FKBP9: variants seen among roughly 807,000 people sequenced by gnomAD.
The protein encoded by FKBP9 is peptidyl-prolyl cis-trans isomerase FKBP9.
In FKBP9, 27 loss-of-function variants were observed where a neutral mutation model predicts 55.6. That is an observed-to-expected ratio of 0.49 (90% confidence interval 0.36 to 0.67). FKBP9 has a LOEUF of 0.67. FKBP9 is among the 30% of genes least tolerant of loss of function. The probability of loss-of-function intolerance (pLI) is 0.00; values close to 1 mark genes in which losing one functional copy is unlikely to be tolerated. For missense variants in FKBP9, 539 were observed against 742.8 expected, an observed-to-expected ratio of 0.73 and a Z score of 3.19; for synonymous variants, 267 against 296.5, an observed-to-expected ratio of 0.90 and a Z score of 1.02.
intron 1 of FKBP9, among the ~76,000 whole-genome samples, chr7:32,971,398 G>A (rs12535899): frequency 0.95 from 144,545 of 152,304 alleles, 68,684 homozygotes; most frequent in African/African-American, 0.99. Flanking sequence ...GTGCTTAGGC[G>A]ACATCAAATG....
intron 1 of FKBP9, among the ~76,000 whole-genome samples, chr7:32,970,963 A>G (rs1194561037): frequency 2.7e-5 from 4 of 149,804 alleles, no homozygotes; most frequent in African/African-American, 2.5e-5. Flanking sequence ...CTTGTTCCCA[A>G]TCACAGGGGA....
intron 5 of FKBP9, among the ~76,000 whole-genome samples, chr7:32,981,046 T>C (rs2860555): frequency 0.95 from 136,472 of 143,866 alleles, 64,833 homozygotes; most frequent in African/African-American, 0.99. Context: ...CTGTGCTTAG[T>C]TATCCAGTTA....
Position 33,006,100 on chromosome 7 carries a change from T to C in FKBP9, c.*749T>C, listed in dbSNP as rs1785035159. 1 of 208,362 alleles carries C rather than the reference T, an allele frequency of 4.8e-6. No individual in the cohort carries two copies. Among genetic ancestry groups the C allele is most frequent in the Admixed American group, 6.0e-5 (1 of 16,662 alleles). 12.9% of individuals were successfully genotyped at this position (208,362 alleles called of 1,614,324 possible). On this transcript the variant is annotated 3_prime_UTR_variant, in exon 10 of 10. Transcript: ENST00000242209. ...CTTAGCTTTTCCTTTCCTTTTTTTT[T>C]TTTTTTTTTTTTCTGGAGGCAGAGT...
At chr7:32,978,765 T>C (rs1583853346) in intron 4 of FKBP9, among the ~76,000 whole-genome samples, 1 of 152,320 alleles carries the variant, frequency 6.6e-6, no homozygotes, top group South Asian at 2.1e-4. Context: ...CAAAACCAGA[T>C]GTGAGCCTAA....
chr7:32,967,858 G>T (rs1356717170), intron 1 of FKBP9, among the ~76,000 whole-genome samples: 1 of 152,008 alleles, frequency 6.6e-6, no homozygotes, highest in Non-Finnish European at 1.5e-5. Context: ...AGGTTCAAGT[G>T]ATTCTCCTGC....
At chr7:32,988,372 G>T (rs6462442) in intron 5 of FKBP9, 135 bp from the exon 6 acceptor site, 5 of 807,412 alleles carry the variant, frequency 6.2e-6, no homozygotes, top group African/African-American at 1.7e-5. Flanking sequence ...TGGCTGTGTC[G>T]TCAGATACTG....
chr7:33,004,041 G>A (rs1048603178), intron 9 of FKBP9, among the ~76,000 whole-genome samples: 1 of 151,966 alleles, frequency 6.6e-6, no homozygotes, highest in Non-Finnish European at 1.5e-5. Flanking sequence ...GGCATCACTG[G>A]CCTCCAGTGG....
chr7:32,980,774 G>A (rs1438015027), intron 5 of FKBP9, among the ~76,000 whole-genome samples: 2 of 151,730 alleles, frequency 1.3e-5, no homozygotes, highest in Non-Finnish European at 2.9e-5. Flanking sequence ...CTGTCATCCA[G>A]TGTGGAGTGC....
chr7:32,981,857 A>G (rs942930268), intron 5 of FKBP9, among the ~76,000 whole-genome samples: 16 of 148,068 alleles, frequency 1.1e-4, no homozygotes, highest in Admixed American at 2.7e-4. Context: ...AGATCACACC[A>G]CTGCACTCCA....
intron 3 of FKBP9, among the ~76,000 whole-genome samples, chr7:32,976,086 C>T (rs372927346): frequency 2.6e-5 from 4 of 152,304 alleles, no homozygotes; most frequent in South Asian, 4.1e-4. Flanking sequence ...GGGAACCCTT[C>T]GCAATTTCTT....
chr7:32,979,370 T>C (rs1340620865), intron 4 of FKBP9: 5 of 661,936 alleles, frequency 7.6e-6, no homozygotes, highest in Admixed American at 2.5e-5. Context: ...AAAAGATTAA[T>C]ATTCTATCTC....
In FKBP9 at chr7:33,005,303, C is replaced by T. The variant is rs182090282; in HGVS notation, c.1665C>T (p.Ala555=). ...QDRNGDGKVT[A]EEFKLKDQEA... is the part of the protein sequence containing the mutation. The stretch of plus-strand genomic sequence containing the variant: ...GGAATGGAGATGGGAAGGTCACAGC[C>T]GAGGAATTTAAACTCAAAGACCAGG... The change falls in exon 10 of 10, where the codon GCC becomes GCT. Residue 555 remains alanine, a synonymous_variant. Transcript: ENST00000242209. 8.1e-6 allele frequency: 13 copies of T among 1,614,160 alleles called. No homozygotes were observed. Among genetic ancestry groups the T allele is most frequent in the East Asian group, 4.5e-5 (2 of 44,882 alleles).
rs751182422 is a variant in FKBP9 at position 33,005,276 on chromosome 7, C to G, written c.1638C>G (p.Asp546Glu). The G allele has an allele frequency of 1.2e-6, 2 of 1,614,026 alleles. No homozygotes were observed. The highest frequency in any genetic ancestry group is 2.2e-5 in the East Asian group (1 of 44,896). The change falls in exon 10 of 10, where the codon GAC (aspartate) becomes GAG (glutamate). Residue 546 changes from aspartate to glutamate, a missense_variant. Transcript: ENST00000242209. ...TGAAGAATATGTTCACCAACCAGGA[C>G]CGGAATGGAGATGGGAAGGTCACAG... ...LIVKNMFTNQ[D>E]RNGDGKVTAE...
chr7:32,966,994 G>A (rs565059401), intron 1 of FKBP9, among the ~76,000 whole-genome samples: 4 of 152,116 alleles, frequency 2.6e-5, no homozygotes, highest in Non-Finnish European at 2.9e-5. Context: ...TGTTCAAAGC[G>A]AGGGAAGAGA....
intron 4 of FKBP9, among the ~76,000 whole-genome samples, chr7:32,979,174 C>T (rs556203270): frequency 6.6e-6 from 1 of 152,088 alleles, no homozygotes; most frequent in East Asian, 1.9e-4. Flanking sequence ...GAAGCTGAGG[C>T]AGGAGAATCG....
chr7:32,989,718 C>T (rs180941688), intron 6 of FKBP9, among the ~76,000 whole-genome samples: 330 of 152,318 alleles, frequency 2.2e-3, no homozygotes, highest in African/African-American at 6.8e-3. Flanking sequence ...CATGCCATGC[C>T]AGAAACAAAT....
chr7:32,996,977 G>A (rs979104851), intron 7 of FKBP9, among the ~76,000 whole-genome samples: 10 of 150,280 alleles, frequency 6.7e-5, no homozygotes, highest in African/African-American at 2.4e-4. Flanking sequence ...TGTATTTTTA[G>A]TAGAGACGGG....
At chr7:33,004,130 G>C (rs943880041) in intron 9 of FKBP9, among the ~76,000 whole-genome samples, 2 of 152,014 alleles carry the variant, frequency 1.3e-5, no homozygotes, top group African/African-American at 4.8e-5. Context: ...AATCATTCCA[G>C]CTCTACCTTG....
At chr7:32,963,845 T>C in intron 1 of FKBP9, 1 of 1,015,006 alleles carries the variant, frequency 9.9e-7, no homozygotes, top group Non-Finnish European at 1.3e-6. Context: ...ACTTTCTCAC[T>C]TCTAGGTTTC....
Sources: gnomAD v4.1 joint callset for allele counts (sites outside exome capture counted in the v4.1 genomes callset) on GRCh38, gnomAD v4.1.1 for gene constraint, MANE v1.5 for transcripts, NCBI Gene and HGNC (gene_info 2026-07-23, HGNC 2026-07-21) for gene names.